Variants in HIPK2 observed in about 807,000 individuals in gnomAD.
The protein encoded by HIPK2 is homeodomain-interacting protein kinase 2.
HIPK2 carries 27 observed loss-of-function variants against 113.7 expected under a neutral mutation model. The ratio of observed to expected loss-of-function variants is 0.24; its 90% CI spans 0.17 to 0.33. The LOEUF (loss-of-function observed/expected upper bound fraction) is 0.33, where lower values mean the gene tolerates loss of function less well. Among genes scored for constraint, HIPK2 ranks in the 10% least tolerant of loss-of-function variants. The pLI is 1.00. For synonymous variants in HIPK2, 631 were observed against 642.2 expected, an observed-to-expected ratio of 0.98 and a Z score of 0.26; for missense variants, 1,257 against 1,588.0, an observed-to-expected ratio of 0.79 and a Z score of 3.54.
At chr7:139,766,318 T>C (rs966546535) in intron 1 of HIPK2, among the ~76,000 whole-genome samples, 2 of 152,238 alleles carry the variant, frequency 1.3e-5, no homozygotes, top group South Asian at 4.1e-4. Context: ...TCCCATAACA[T>C]GTTTTTCCTT....
chr7:139,600,451 A>G lies in HIPK2; in HGVS notation c.2401T>C (p.Ser801Pro), dbSNP rs745430223. The stretch of plus-strand genomic sequence containing the variant: ...GACTGGTGCTGCTTACTCTTCCGGG[A>G]GGAGGTGGTGCTGGTTGGCTGCTGC... ...MRQQPTSTTS[S>P]RKSKQHQSSV... Residue 801 changes from serine to proline, a missense_variant, in exon 11 of 15, where the codon TCC becomes CCC. Transcript: ENST00000406875. 1.9e-6 allele frequency: 3 copies of G among 1,613,706 alleles called. No individual in the cohort carries two copies. The highest frequency in any genetic ancestry group is 2.5e-6 in the Non-Finnish European group (3 of 1,179,854).
chr7:139,670,346 G>A (rs963598340), intron 2 of HIPK2, among the ~76,000 whole-genome samples: 1 of 152,042 alleles, frequency 6.6e-6, no homozygotes, highest in Non-Finnish European at 1.5e-5. Flanking sequence ...CATTGTGGTA[G>A]GCTGAAGAGG....
intron 2 of HIPK2, among the ~76,000 whole-genome samples, chr7:139,702,751 C>T (rs917786045): frequency 5.8e-4 from 89 of 152,288 alleles, no homozygotes; most frequent in African/African-American, 2.1e-3. Context: ...CCTGGGCACA[C>T]GGAGGCTGGA....
chr7:139,660,927 A>G (rs983226353), intron 2 of HIPK2, among the ~76,000 whole-genome samples: 1 of 152,180 alleles, frequency 6.6e-6, no homozygotes, highest in Non-Finnish European at 1.5e-5. Context: ...TGAAAACTCC[A>G]AAGAACACGC....
intron 2 of HIPK2, among the ~76,000 whole-genome samples, chr7:139,648,779 G>A (rs1380423001): frequency 1.3e-5 from 2 of 151,900 alleles, no homozygotes; most frequent in Non-Finnish European, 2.9e-5. Flanking sequence ...GGAGGGAGAG[G>A]GTGCTGCGGG....
intron 2 of HIPK2, among the ~76,000 whole-genome samples, chr7:139,647,413 G>A (rs1381880618): frequency 2.0e-5 from 3 of 152,170 alleles, no homozygotes; most frequent in South Asian, 2.1e-4. Flanking sequence ...CTGATTGTGT[G>A]AAGAAGAAGT....
chr7:139,590,582 T>C (rs1213214004), intron 12 of HIPK2, among the ~76,000 whole-genome samples: 1 of 152,210 alleles, frequency 6.6e-6, no homozygotes, highest in East Asian at 1.9e-4. Context: ...ATTACTATGA[T>C]GCTGATTATT....
At position 139,714,477 on chromosome 7, in the gene HIPK2, A is replaced by C. The variant is rs11769961; in HGVS notation, c.1103+1455T>G. 0.38 allele frequency among the ~76,000 whole-genome samples: 58,236 copies of C among 152,042 alleles called. 16,119 individuals carry two copies. The highest frequency in any genetic ancestry group is 0.78 in the African/African-American group (32,392 of 41,490). On this transcript the variant is annotated intron_variant, in intron 2 of 14. Transcript: ENST00000406875. This position sits in a 1 kb window ranked among gnomAD's most constrained non-coding sequence, Gnocchi z 4.2. Reference sequence around the variant, plus strand: ...TGCAACAGCTCTGCCTGCAGCCAGGATGGGGGCCCGGACAGGGAGCAAGAA... The same window carrying C: ...TGCAACAGCTCTGCCTGCAGCCAGGCTGGGGGCCCGGACAGGGAGCAAGAA...
intron 1 of HIPK2, among the ~76,000 whole-genome samples, chr7:139,755,683 G>A (rs1364413299): frequency 1.3e-5 from 2 of 152,196 alleles, no homozygotes; most frequent in Admixed American, 6.5e-5. Flanking sequence ...TCTGTTGGAT[G>A]CCAGTCTCCG....
rs1353292814 is a variant in HIPK2 at position 139,613,135 on chromosome 7, T to C, written c.2112+67A>G. On this transcript the variant is annotated intron_variant, in intron 9 of 14. Coordinates refer to ENST00000406875, the MANE Select transcript of HIPK2 (RefSeq NM_022740.5). The surrounding 1 kb of genome is among the most constrained non-coding windows in gnomAD (Gnocchi z 4.2). The stretch of plus-strand genomic sequence containing the variant: ...TAGGGAGAGAGGGAGTGGAGATATA[T>C]ATCTTTTGTGAACAACATTAACACA... 3 of 1,582,764 alleles carry C rather than the reference T, an allele frequency of 1.9e-6. No homozygotes were observed. The African/African-American group carries it at 4.0e-5, about 21-fold the overall frequency.
chr7:139,589,805 A>G (rs1360040972), intron 12 of HIPK2, among the ~76,000 whole-genome samples: 1 of 152,248 alleles, frequency 6.6e-6, no homozygotes, highest in Non-Finnish European at 1.5e-5. Context: ...TAAAACCTTT[A>G]TAAACTCTTC....
At chr7:139,738,527 C>T (rs374850952) in intron 1 of HIPK2, among the ~76,000 whole-genome samples, 1 of 152,198 alleles carries the variant, frequency 6.6e-6, no homozygotes, top group Non-Finnish European at 1.5e-5. Context: ...GAATAAAGCA[C>T]CATGATATTT....
At chr7:139,724,410 C>T (rs1048944131) in intron 1 of HIPK2, among the ~76,000 whole-genome samples, 1 of 152,158 alleles carries the variant, frequency 6.6e-6, no homozygotes, top group African/African-American at 2.4e-5. Flanking sequence ...CTGAATGTCC[C>T]TGGGGCTTTT....
intron 2 of HIPK2, among the ~76,000 whole-genome samples, chr7:139,694,780 G>C (rs1794516841): frequency 6.6e-6 from 1 of 152,228 alleles, no homozygotes; most frequent in African/African-American, 2.4e-5. Flanking sequence ...GGTGCAGAGT[G>C]AATGGGCAGG....
intron 2 of HIPK2, among the ~76,000 whole-genome samples, chr7:139,657,676 C>T (rs185213100): frequency 6.6e-6 from 1 of 152,330 alleles, no homozygotes; most frequent in Admixed American, 6.5e-5. Flanking sequence ...CCTTCACACA[C>T]CTTCCATTAA....
At chr7:139,662,533 C>T (rs1027632751) in intron 2 of HIPK2, among the ~76,000 whole-genome samples, 5 of 151,998 alleles carry the variant, frequency 3.3e-5, no homozygotes, top group African/African-American at 4.8e-5. Flanking sequence ...GTTTACCACT[C>T]GGGCCATATA....
intron 1 of HIPK2, among the ~76,000 whole-genome samples, chr7:139,765,223 A>G (rs953128549): frequency 6.6e-6 from 1 of 152,178 alleles, no homozygotes; most frequent in Non-Finnish European, 1.5e-5. Flanking sequence ...TTGACCTAGT[A>G]TATCTACTTT....
At chr7:139,761,568 A>C (rs1397983725) in intron 1 of HIPK2, among the ~76,000 whole-genome samples, 1 of 152,230 alleles carries the variant, frequency 6.6e-6, no homozygotes, top group Non-Finnish European at 1.5e-5. Context: ...ACCATAAAGA[A>C]GCAACCTCAC....
At chr7:139,726,126 A>C (rs1256447811) in intron 1 of HIPK2, among the ~76,000 whole-genome samples, 3 of 152,240 alleles carry the variant, frequency 2.0e-5, no homozygotes, top group Admixed American at 6.5e-5. Flanking sequence ...ATATAACCAT[A>C]AGAAATGATT....
Sources: gnomAD v4.1 joint callset for allele counts (sites outside exome capture counted in the v4.1 genomes callset) on GRCh38, gnomAD v4.1.1 for gene constraint, Gnocchi (gnomAD v3.1) non-coding constraint, MANE v1.5 for transcripts, NCBI Gene and HGNC (gene_info 2026-07-23, HGNC 2026-07-21) for gene names.